The following SGCB variants were observed in gnomAD, a reference collection of about 807,000 sequenced individuals.
SGCB encodes the protein beta-sarcoglycan.
A neutral mutation model predicts 27.3 loss-of-function variants in SGCB; 25 were observed. That is an observed-to-expected ratio of 0.92 (90% CI 0.67 to 1.28). SGCB has a LOEUF of 1.28. SGCB is among the 50% of genes most tolerant of loss of function. The probability of loss-of-function intolerance (pLI) is 0.00; values close to 1 mark genes in which losing one functional copy is unlikely to be tolerated. For missense variants in SGCB, 436 were observed against 402.1 expected, an observed-to-expected ratio of 1.08 and a Z score of -0.72; for synonymous variants, 147 against 133.5, an observed-to-expected ratio of 1.10 and a Z score of -0.70.
At chr4:52,027,073 A>T (rs1355199291) in intron 5 of SGCB, among the ~76,000 whole-genome samples, 1 of 152,186 alleles carries the variant, frequency 6.6e-6, no homozygotes, top group African/African-American at 2.4e-5. Context: ...TAAAACAACT[A>T]CTTTTAAAAA....
At chr4:52,037,859 G>A (rs1355724050) in intron 1 of SGCB, among the ~76,000 whole-genome samples, 1 of 152,162 alleles carries the variant, frequency 6.6e-6, no homozygotes. Flanking sequence ...CTGGGGCTGC[G>A]GTTATTTTTA....
rs1375893940 is a variant in SGCB, at chr4:52,020,903, G to A, written c.*3054C>T. On this transcript the variant is annotated 3_prime_UTR_variant, in exon 6 of 6. Transcript: ENST00000381431. ...ATTTCAATGATCTCTTATTTGTCAG[G>A]TTTAGCACCATGACATTCTCATTCC... 1 of 152,280 alleles carries A rather than the reference G, an allele frequency of 6.6e-6. No individual in the cohort carries two copies. The highest frequency in any genetic ancestry group is 2.4e-5 in the African/African-American group (1 of 41,358). The allele number at this position is 152,280 out of a possible 1,614,324, so 9.4% of individuals were successfully genotyped here.
intron 1 of SGCB, among the ~76,000 whole-genome samples, chr4:52,035,000 T>G (rs1430913249): frequency 6.6e-6 from 1 of 152,174 alleles, no homozygotes; most frequent in African/African-American, 2.4e-5. Context: ...CCAAAGCTCT[T>G]TGGAATCCTC....
At chr4:52,031,413 TG>T (rs1737245303) in intron 2 of SGCB, among the ~76,000 whole-genome samples, 2 of 26,140 alleles carry the variant, frequency 7.7e-5, no homozygotes, top group South Asian at 2.0e-3. Flanking sequence ...TGTATGTGTG[TG>T]TGTGTGTGTG....
At position 52,023,960 on chromosome 4, in the gene SGCB, A is replaced by T; in HGVS notation, c.954T>A (p.His318Gln). The T allele has an allele frequency of 6.2e-7, 1 of 1,613,960 alleles. No individual in the cohort carries two copies. Among genetic ancestry groups the T allele is most frequent in the African/African-American group, 1.3e-5 (1 of 75,032 alleles). The change falls in exon 6 of 6, where the codon CAT becomes CAA. Residue 318 changes from histidine to glutamine, a missense_variant. Transcript: ENST00000381431. ...GTTGGTGACCTCTGGGGTTCTTTTA[A>T]TGAGTGTTTCCACAGGGGTTGTCTG... is the stretch of plus-strand genomic sequence containing the variant. ...QISDNPCGNT[H>Q]
At chr4:52,034,901 G>A (rs570937951) in intron 1 of SGCB, among the ~76,000 whole-genome samples, 7 of 152,286 alleles carry the variant, frequency 4.6e-5, no homozygotes, top group African/African-American at 1.2e-4. Context: ...TCACTCAACA[G>A]AATGTATGCT....
At chr4:52,025,848 C>A (rs1737075595) in intron 5 of SGCB, among the ~76,000 whole-genome samples, 1 of 152,122 alleles carries the variant, frequency 6.6e-6, no homozygotes, top group South Asian at 2.1e-4. Flanking sequence ...AAGGTAGAGC[C>A]AGAAGGCTTT....
intron 3 of SGCB, 94 bp downstream of exon 3, chr4:52,029,584 A>C: frequency 2.6e-6 from 2 of 764,412 alleles, no homozygotes; most frequent in Non-Finnish European, 4.7e-6. Context: ...AAGGGAAAAT[A>C]TCTCTTTCCA....
rs181308680 is a variant in SGCB, at chr4:52,022,527, A to G, written c.*1430T>C. ...AAATCAACTGGCTTGAGGGTTATAA[A>G]TAATTACAATGGGATAGTAATATTA... On this transcript the variant is annotated 3_prime_UTR_variant, in exon 6 of 6. Transcript: ENST00000381431. 1.3e-5 allele frequency: 2 copies of G among 152,360 alleles called. No homozygotes were observed. Among genetic ancestry groups the G allele is most frequent in the Admixed American group, 1.3e-4 (2 of 15,308 alleles). The allele number at this position is 152,360 out of a possible 1,614,324, so 9.4% of individuals were successfully genotyped here.
At chr4:52,038,182 C>T in intron 1 of SGCB, 45 bp downstream of exon 1, 1 of 1,194,170 alleles carries the variant, frequency 8.4e-7, no homozygotes. Context: ...CAGGACGCGG[C>T]CTCCCCCGCT....
Position 52,028,064 on chromosome 4 carries a change from T to G in SGCB, c.657A>C (p.Lys219Asn), listed in dbSNP as rs1737148484. The G allele has an allele frequency of 6.2e-7, 1 of 1,613,180 alleles. No homozygotes were observed. Residue 219 changes from lysine (K) to asparagine (N), a missense_variant, in exon 5 of 6, where the codon AAA (lysine) becomes AAC (asparagine). Lys to Asn is a moderately conservative substitution (Grantham distance 94, BLOSUM62 0). Transcript: ENST00000381431. ...TSNATSDLNI[K>N]VDGRAIVRGN... The stretch of plus-strand genomic sequence containing the variant: ...CACGCACAATAGCACGCCCATCAAC[T>G]TTTATATTTAAATCACTGGTAGCAT...
Position 52,033,659 on chromosome 4 carries a change from A to G in SGCB, c.34-19T>C. 1.3e-6 allele frequency: 2 copies of G among 1,568,876 alleles called. No individual in the cohort carries two copies. The highest frequency in any genetic ancestry group is 1.8e-6 in the Non-Finnish European group (2 of 1,139,216). The stretch of plus-strand genomic sequence containing the variant: ...AACTTTGCTAAAAATGAAATACAAC[A>G]TAATGGAACAGCTATACCCTCTCGT... On this transcript the variant is annotated intron_variant, in intron 1 of 5. Transcript: ENST00000381431.
At chr4:52,029,915 T>C (rs771675367) in intron 2 of SGCB, 52 bp from the exon 3 acceptor site, 1 of 1,356,722 alleles carries the variant, frequency 7.4e-7, no homozygotes, top group South Asian at 1.2e-5. Context: ...TTTAATGTAA[T>C]TGGAAAACAA....
intron 2 of SGCB, among the ~76,000 whole-genome samples, chr4:52,032,918 G>C (rs1479316967): frequency 6.6e-6 from 1 of 152,178 alleles, no homozygotes; most frequent in African/African-American, 2.4e-5. Flanking sequence ...ACTTTAGTGT[G>C]AATCAGCCTA....
intron 5 of SGCB, among the ~76,000 whole-genome samples, chr4:52,025,721 G>C (rs575574053): frequency 3.8e-4 from 58 of 152,340 alleles, no homozygotes; most frequent in African/African-American, 1.3e-3. Context: ...TGAATACTTG[G>C]AAGTAAGAAG....
chr4:52,027,632 C>CAA lies in SGCB; in HGVS notation c.753+334_753+335dup, dbSNP rs71660472. ...TAAAACAATACAAGTGATCATTATA[C>CAA]AAAAAAAAAAAGAGAGAAAGAAACA... On this transcript the variant is annotated intron_variant, in intron 5 of 5. Coordinates refer to ENST00000381431, the MANE Select transcript of SGCB (RefSeq NM_000232.5). 3.0e-3 allele frequency among the ~76,000 whole-genome samples: 309 copies of CAA among 102,090 alleles called. 1 individual carries two copies. Among genetic ancestry groups the CAA allele is most frequent in the Middle Eastern group, 5.1e-3 (1 of 198 alleles). 67.0% of individuals were successfully genotyped at this position (102,090 alleles called of 152,430 possible).
intron 2 of SGCB, among the ~76,000 whole-genome samples, chr4:52,031,415 TGTGTGTGTGTGTGTGTG>T (rs1737245419): frequency 6.4e-5 from 2 of 31,154 alleles, no homozygotes; most frequent in South Asian, 2.0e-3. Context: ...TATGTGTGTG[TGTGTGTGTGTGTGTGTG>T]TGTGTGTGTG....
chr4:52,023,014 T>C lies in SGCB; in HGVS notation c.*943A>G, dbSNP rs573930049. On this transcript the variant is annotated 3_prime_UTR_variant, in exon 6 of 6. Coordinates refer to ENST00000381431, the MANE Select transcript of SGCB (RefSeq NM_000232.5). ...TTAAATTAACCTTTGTTCATCTTTC[T>C]AGAGTTTTAAATAATTAAAAAGTCA... 6.6e-6 allele frequency: 1 copy of C among 152,354 alleles called. No individual in the cohort carries two copies. The highest frequency in any genetic ancestry group is 2.1e-4 in the South Asian group (1 of 4,832). 9.4% of individuals were successfully genotyped at this position (152,354 alleles called of 1,614,324 possible).
rs1737115984 is a variant in SGCB, at chr4:52,027,036, T to C, written c.753+932A>G. ...TATTATTTAGAGATGGGATTATGTG[T>C]TCTGGGGGAAAAACTGCTTATAAAA... On this transcript the variant is annotated intron_variant, in intron 5 of 5. Coordinates refer to ENST00000381431, the MANE Select transcript of SGCB (RefSeq NM_000232.5). 2.0e-5 allele frequency among the ~76,000 whole-genome samples: 3 copies of C among 152,198 alleles called. 1 individual carries two copies. The South Asian group carries it at 6.2e-4, about 32-fold the overall frequency.
Sources: gnomAD v4.1 joint callset for allele counts (sites outside exome capture counted in the v4.1 genomes callset) on GRCh38, gnomAD v4.1.1 for gene constraint, MANE v1.5 for transcripts, NCBI Gene and HGNC (gene_info 2026-07-23, HGNC 2026-07-21) for gene names.